Variants in ZC3H12B observed in about 807,000 individuals in gnomAD.
ZC3H12B encodes the protein zinc finger CCCH-type containing 12B.
ZC3H12B carries 7 observed loss-of-function variants against 43.9 expected under a neutral mutation model. The observed-to-expected ratio is 0.16, with a 90% CI of 0.09 to 0.30. ZC3H12B has a LOEUF of 0.30. ZC3H12B is among the 10% of genes least tolerant of loss of function. ZC3H12B has a pLI of 1.00. For missense variants in ZC3H12B, 475 were observed against 670.2 expected (o/e 0.71, Z 3.22); for synonymous variants, 222 against 241.7 (o/e 0.92, Z 0.76).
chrX:65,496,748 G>A (rs2068288204), intron 1 of ZC3H12B, among the ~76,000 whole-genome samples: 1 of 110,778 alleles, frequency 9.0e-6, no homozygotes, highest in Non-Finnish European at 1.9e-5. Flanking sequence ...CTGAGGTCAG[G>A]AGTTCGAGAC....
At chrX:65,379,775 G>A (rs769674824) in intron 2 of ZC3H12B, among the ~76,000 whole-genome samples, 4 of 112,471 alleles carry the variant, frequency 3.6e-5, no homozygotes, top group African/African-American at 1.3e-4. Flanking sequence ...AGCTGATGGA[G>A]CTGAAAAACA....
chrX:65,428,682 G>A (rs1198361415), intron 3 of ZC3H12B, among the ~76,000 whole-genome samples: 1 of 112,058 alleles, frequency 8.9e-6, no homozygotes, highest in African/African-American at 3.2e-5. Context: ...TTAGCTTCCA[G>A]CATTGGGTTA....
chrX:65,325,949 G>A, the ZC3H12B span, among the ~76,000 whole-genome samples: 2 of 111,547 alleles, frequency 1.8e-5, no homozygotes, highest in Non-Finnish European at 3.8e-5. Context: ...TATGTACAAT[G>A]AGAAAAGGAC....
chrX:65,211,411 C>A, the ZC3H12B span, among the ~76,000 whole-genome samples: 1 of 107,914 alleles, frequency 9.3e-6, no homozygotes. Context: ...ATAATAGTTG[C>A]CATTTACTGA....
chrX:65,422,629 G>A (rs779423980), intron 3 of ZC3H12B, among the ~76,000 whole-genome samples: 25 of 110,740 alleles, frequency 2.3e-4, no homozygotes, highest in Non-Finnish European at 4.2e-4. Context: ...GTGGTTTGCT[G>A]CATCCATCAA....
the ZC3H12B span, chrX:65,328,558 C>CT: frequency 1.2e-3 from 215 of 177,549 alleles, no homozygotes; most frequent in East Asian, 4.7e-3. Context: ...CTTTATTTGT[C>CT]TTTTTTTTTA....
the ZC3H12B span, among the ~76,000 whole-genome samples, chrX:65,361,542 G>T: frequency 2.7e-5 from 3 of 111,681 alleles, no homozygotes; most frequent in African/African-American, 9.7e-5. Flanking sequence ...CTTCTCTCTG[G>T]TTTACTGTTC....
chrX:65,145,787 G>C, the ZC3H12B span, among the ~76,000 whole-genome samples: 5 of 111,529 alleles, frequency 4.5e-5, no homozygotes, highest in Non-Finnish European at 9.4e-5. Context: ...TAATTGTTTT[G>C]CTTGAGGAGG....
chrX:65,223,182 A>C, the ZC3H12B span, among the ~76,000 whole-genome samples: 1 of 111,904 alleles, frequency 8.9e-6, no homozygotes. Context: ...GGCAAGCCAC[A>C]GGTAGAAGAA....
the ZC3H12B span, chrX:65,357,366 A>T: frequency 4.4e-6 from 1 of 226,450 alleles, no homozygotes; most frequent in Admixed American, 6.0e-5. Context: ...AATGTAAAAC[A>T]GGAAATGTTG....
chrX:65,446,249 TTC>T (rs1332446664), intron 3 of ZC3H12B, among the ~76,000 whole-genome samples: 2 of 111,816 alleles, frequency 1.8e-5, no homozygotes, highest in African/African-American at 6.5e-5. Flanking sequence ...CTTTACCTTT[TTC>T]TCTCTTTCCT....
At chrX:65,212,418 T>G in the ZC3H12B span, among the ~76,000 whole-genome samples, 1 of 59,207 alleles carries the variant, frequency 1.7e-5, no homozygotes, top group Non-Finnish European at 2.7e-5. Context: ...ATATTATATA[T>G]GTAATATAAT....
the ZC3H12B span, among the ~76,000 whole-genome samples, chrX:65,126,355 G>T: frequency 9.0e-6 from 1 of 111,441 alleles, no homozygotes; most frequent in East Asian, 2.8e-4. Context: ...TGAGAAATCT[G>T]CTACTAATCT....
At chrX:65,107,383 A>T in the ZC3H12B span, among the ~76,000 whole-genome samples, 1 of 111,538 alleles carries the variant, frequency 9.0e-6, no homozygotes, top group Non-Finnish European at 1.9e-5. Flanking sequence ...GGCTACCGAA[A>T]AAAGGGGTGT....
At chrX:65,286,026 C>T in the ZC3H12B span, among the ~76,000 whole-genome samples, 1 of 111,642 alleles carries the variant, frequency 9.0e-6, no homozygotes, top group Non-Finnish European at 1.9e-5. Context: ...GAACTTAAAA[C>T]GGAACTACCA....
At chrX:65,336,953 C>A in the ZC3H12B span, among the ~76,000 whole-genome samples, 1 of 112,110 alleles carries the variant, frequency 8.9e-6, no homozygotes, top group Non-Finnish European at 1.9e-5. Flanking sequence ...ACTGCCAAAC[C>A]CACTCTTAGC....
At chrX:65,161,606 A>G in the ZC3H12B span, among the ~76,000 whole-genome samples, 1 of 110,197 alleles carries the variant, frequency 9.1e-6, no homozygotes, top group Non-Finnish European at 1.9e-5. Context: ...TTTGTTTTCC[A>G]TTTGCTTGGT....
At chrX:65,038,913 C>G in the ZC3H12B span, among the ~76,000 whole-genome samples, 10 of 111,268 alleles carry the variant, frequency 9.0e-5, no homozygotes, top group South Asian at 3.8e-3. Context: ...AAAATTTTCC[C>G]AGCTGAGCAC....
chrX:65,356,097 G>A, the ZC3H12B span, among the ~76,000 whole-genome samples: 1 of 112,106 alleles, frequency 8.9e-6, no homozygotes, highest in Non-Finnish European at 1.9e-5. Context: ...CTAGTGAAAT[G>A]GATAGCAAGT....
Sources: gnomAD v4.1 joint callset for allele counts (sites outside exome capture counted in the v4.1 genomes callset) on GRCh38, gnomAD v4.1.1 for gene constraint, MANE v1.5 for transcripts, NCBI Gene and HGNC (gene_info 2026-07-23, HGNC 2026-07-21) for gene names.